EIF2D: variants seen among roughly 807,000 people sequenced by gnomAD.
The protein encoded by EIF2D is eukaryotic translation initiation factor 2D, also known as hepatocellular carcinoma-associated antigen 56.
Under a neutral mutation model 77.4 loss-of-function variants are expected in EIF2D, and 56 were observed. The observed-to-expected ratio is 0.72, with a 90% CI of 0.58 to 0.90. The LOEUF (loss-of-function observed/expected upper bound fraction) is 0.90, where lower values mean the gene tolerates loss of function less well. EIF2D is among the 40% of genes least tolerant of loss of function. EIF2D has a pLI of 0.00. For missense variants in EIF2D, 574 were observed against 706.5 expected (o/e 0.81, Z 2.13); for synonymous variants, 230 against 271.0 (o/e 0.85, Z 1.49).
In EIF2D at chr1:206,606,146, G is replaced by T. The variant is rs533057430; in HGVS notation, c.423-639C>A. On this transcript the variant is annotated intron_variant, in intron 4 of 14. Transcript: ENST00000271764. Reference sequence around the variant, plus strand: ...TCTCTGCCAGCCCAGTGTTACTCAAGCATTGATCAATCAGATATTGCCTGT... The same window carrying T: ...TCTCTGCCAGCCCAGTGTTACTCAATCATTGATCAATCAGATATTGCCTGT... Among the ~76,000 whole-genome samples, 3 of 152,324 alleles carry T rather than the reference G, an allele frequency of 2.0e-5. No homozygotes were observed. The East Asian group carries it at 5.8e-4, about 29-fold the overall frequency.
Position 206,592,112 on chromosome 1 carries a change from A to G in EIF2D, c.1685-267T>C, listed in dbSNP as rs1459111050. Among the ~76,000 whole-genome samples the G allele has an allele frequency of 5.9e-5, 9 of 152,270 alleles. No homozygotes were observed. The highest frequency in any genetic ancestry group is 2.2e-4 in the African/African-American group (9 of 41,468). ...CAGTCTGTGCTCCTCGCTCTTGCTC[A>G]TAACATTTCTTCTCAGTACCTTGTA... On this transcript the variant is annotated intron_variant, in intron 14 of 14. Transcript: ENST00000271764. The surrounding 1 kb of genome is among the most constrained non-coding windows in gnomAD (Gnocchi z 4.7).
At chr1:206,602,805 C>T in intron 6 of EIF2D, 146 bp downstream of exon 6, 1 of 1,191,174 alleles carries the variant, frequency 8.4e-7, no homozygotes, top group Non-Finnish European at 1.2e-6. Context: ...TGTGAAAGGG[C>T]TGCTGCGCCA....
At chr1:206,586,904 G>A (rs1553407773), downstream of EIF2D, 1 of 1,614,178 alleles carries the variant, frequency 6.2e-7, no homozygotes, top group Admixed American at 1.7e-5. Flanking sequence ...AATCCAACAA[G>A]TGCAAAAGAA....
Position 206,599,386 on chromosome 1 carries a change from G to C in EIF2D, c.1202+77C>G. 1.9e-6 allele frequency: 3 copies of C among 1,559,778 alleles called. No individual in the cohort carries two copies. The highest frequency in any genetic ancestry group is 1.7e-6 in the Non-Finnish European group (2 of 1,151,140). On this transcript the variant is annotated intron_variant, in intron 10 of 14. Transcript: ENST00000271764. This position sits in a 1 kb window ranked among gnomAD's most constrained non-coding sequence, Gnocchi z 4.1. ...AGAGCAGGTTTTGCCAGTCGCAAAA[G>C]AGCACTACTCAGGTTGAGAGGAACT...
At chr1:206,569,185 T>C (rs181911767), downstream of EIF2D, among the ~76,000 whole-genome samples, 69 of 152,338 alleles carry the variant, frequency 4.5e-4, no homozygotes, top group African/African-American at 1.6e-3. Flanking sequence ...TTATTTAACG[T>C]GTATTCGCGG....
chr1:206,598,929 C>T, intron 11 of EIF2D, 74 bp downstream of exon 11: 4 of 1,440,640 alleles, frequency 2.8e-6, no homozygotes, highest in Non-Finnish European at 3.9e-6. Context: ...TCCCAGACAT[C>T]CTCCCCAAAT....
At chr1:206,593,584 G>T in intron 14 of EIF2D, 35 bp downstream of exon 14, 1 of 1,556,786 alleles carries the variant, frequency 6.4e-7, no homozygotes, top group South Asian at 1.2e-5. Context: ...TGCTGAGCTA[G>T]ACCAATGCCT....
intron 2 of EIF2D, chr1:206,583,373 G>C: frequency 6.2e-7 from 1 of 1,610,958 alleles, no homozygotes; most frequent in South Asian, 1.1e-5. Context: ...GCCTGGGCAT[G>C]AAACTGGTAA....
chr1:206,584,459 G>A lies in EIF2D; in HGVS notation c.139-3297C>T, dbSNP rs1669023377. On this transcript the variant is annotated intron_variant and NMD_transcript_variant, in intron 2 of 5. Transcript: ENST00000472709. The surrounding 1 kb of genome is among the most constrained non-coding windows in gnomAD (Gnocchi z 4.9). ...CCGGCGGCCTGTGACGGTGCCTGCT[G>A]GGATCCGGCCCCAGTCCATCTATGA... 1 of 1,614,168 alleles carries A rather than the reference G, an allele frequency of 6.2e-7. No homozygotes were observed. The highest frequency in any genetic ancestry group is 8.5e-7 in the Non-Finnish European group (1 of 1,180,042).
At chr1:206,572,810 G>GT (rs2103554347) in intron 4 of EIF2D, 1 of 152,312 alleles carries the variant, frequency 6.6e-6, no homozygotes, top group Non-Finnish European at 1.5e-5. Context: ...ATAATTTTCA[G>GT]TGGGTTTTTT....
At chr1:206,571,962 C>A (rs1436408915) in intron 5 of EIF2D, among the ~76,000 whole-genome samples, 1 of 152,080 alleles carries the variant, frequency 6.6e-6, no homozygotes, top group Non-Finnish European at 1.5e-5. Flanking sequence ...AAACTTTAGA[C>A]CTCTGAGCTA....
chr1:206,581,772 G>A (rs534589241), intron 2 of EIF2D, among the ~76,000 whole-genome samples: 7 of 152,104 alleles, frequency 4.6e-5, no homozygotes, highest in South Asian at 2.1e-4. Context: ...ACATTGCATC[G>A]GTTCTGTGGG....
At position 206,584,226 on chromosome 1, in the gene EIF2D, G is replaced by A. The variant is rs957408138; in HGVS notation, c.139-3064C>T. Among the ~76,000 whole-genome samples, 1 of 152,218 alleles carries A rather than the reference G, an allele frequency of 6.6e-6. No homozygotes were observed. The highest frequency in any genetic ancestry group is 1.5e-5 in the Non-Finnish European group (1 of 68,034). On this transcript the variant is annotated intron_variant and NMD_transcript_variant, in intron 2 of 5. Coordinates refer to the EIF2D transcript ENST00000472709. This position sits in a 1 kb window ranked among gnomAD's most constrained non-coding sequence, Gnocchi z 4.9. ...GGGTCTTCTCCCAGCCCACTATGGG[G>A]AAAGGGATCTCTGCTCCTTCCTCCA...
chr1:206,585,348 G>A, intron 2 of EIF2D: 1 of 1,350,902 alleles, frequency 7.4e-7, no homozygotes, highest in Non-Finnish European at 1.1e-6. Flanking sequence ...CTGGGTGGGT[G>A]CAGGTGGGTG....
At chr1:206,582,122 CAGGGACA>C (rs1668912495) in intron 2 of EIF2D, among the ~76,000 whole-genome samples, 1 of 152,162 alleles carries the variant, frequency 6.6e-6, no homozygotes, top group African/African-American at 2.4e-5. Flanking sequence ...CCCAGCCACT[CAGGGACA>C]GTGTGAAGAT....
Position 206,584,974 on chromosome 1 carries a change from A to G in EIF2D, c.139-3812T>C. Reference sequence around the variant, plus strand: ...CCTAATCTTTCAGGAGATGATGTGAATGGAATCATGCTTTAAACTCTGAGC... The same window carrying G: ...CCTAATCTTTCAGGAGATGATGTGAGTGGAATCATGCTTTAAACTCTGAGC... On this transcript the variant is annotated intron_variant and NMD_transcript_variant, in intron 2 of 5. Coordinates refer to the EIF2D transcript ENST00000472709. The surrounding 1 kb of genome is among the most constrained non-coding windows in gnomAD (Gnocchi z 4.9). 3.3e-6 allele frequency: 2 copies of G among 608,182 alleles called. No individual in the cohort carries two copies. The highest frequency in any genetic ancestry group is 5.8e-6 in the Non-Finnish European group (2 of 343,078). 37.7% of individuals were successfully genotyped at this position (608,182 alleles called of 1,614,324 possible).
intron 2 of EIF2D, among the ~76,000 whole-genome samples, 196 bp downstream of exon 2, chr1:206,610,988 A>AT (rs1670455033): frequency 6.6e-6 from 1 of 152,032 alleles, no homozygotes; most frequent in Admixed American, 6.6e-5. Flanking sequence ...GTGGTTTTGC[A>AT]TAAGAGAAAA....
intron 11 of EIF2D, among the ~76,000 whole-genome samples, chr1:206,598,714 T>C (rs1669770082): frequency 6.6e-6 from 1 of 152,242 alleles, no homozygotes; most frequent in Non-Finnish European, 1.5e-5. Context: ...AGTAAATTCT[T>C]TGTAAGCTTG....
In EIF2D at chr1:206,611,255, T is replaced by A. The variant is rs1670481247; in HGVS notation, c.176A>T (p.Asp59Val). The change falls in exon 2 of 15, where the codon GAT becomes GTT. Residue 59 changes from aspartate (D) to valine (V), a missense_variant. Coordinates refer to ENST00000271764, the MANE Select transcript of EIF2D (RefSeq NM_006893.3). Reference sequence around the variant, plus strand: ...ACCACTCACGTACACAGTCACTGCATCCCCTTTGTGAGCATACAACTTCAC... The same window carrying A: ...ACCACTCACGTACACAGTCACTGCAACCCCTTTGTGAGCATACAACTTCAC... Reference protein sequence around the residue: ...NIVKLYAHKGDAVTVYVSGGN... With the variant: ...NIVKLYAHKGVAVTVYVSGGN... 3.1e-6 allele frequency: 5 copies of A among 1,614,224 alleles called. No individual in the cohort carries two copies. Among genetic ancestry groups the A allele is most frequent in the Non-Finnish European group, 4.2e-6 (5 of 1,180,046 alleles).
Sources: gnomAD v4.1 joint callset for allele counts (sites outside exome capture counted in the v4.1 genomes callset) on GRCh38, gnomAD v4.1.1 for gene constraint, Gnocchi (gnomAD v3.1) non-coding constraint, MANE v1.5 for transcripts, NCBI Gene and HGNC (gene_info 2026-07-23, HGNC 2026-07-21) for gene names.